Variants in EXOC4 observed in about 807,000 individuals in gnomAD.
EXOC4 encodes SEC8-like 1.
EXOC4 carries 71 observed loss-of-function variants against 107.2 expected under a neutral mutation model. That is an observed-to-expected ratio of 0.66 (90% CI 0.55 to 0.81). The LOEUF (loss-of-function observed/expected upper bound fraction) is 0.81. EXOC4 is among the 30% of genes least tolerant of loss of function. The pLI is 0.00. For missense variants in EXOC4, 1,108 were observed against 1,189.6 expected (o/e 0.93, Z 1.01); for synonymous variants, 456 against 441.2 (o/e 1.03, Z -0.42).
chr7:133,788,859 A>C (rs114628130), intron 10 of EXOC4, among the ~76,000 whole-genome samples: 1,771 of 152,122 alleles, frequency 0.012, 25 homozygotes, highest in African/African-American at 0.04. Context: ...CTCTACCTTC[A>C]GGCTGTATGG....
At chr7:134,018,927 T>G (rs1171289739) in intron 17 of EXOC4, among the ~76,000 whole-genome samples, 1 of 152,090 alleles carries the variant, frequency 6.6e-6, no homozygotes, top group Admixed American at 6.6e-5. Context: ...TTTGTTTTTG[T>G]TTTTTGTTTG....
At chr7:133,788,394 T>G (rs1796633970) in intron 10 of EXOC4, among the ~76,000 whole-genome samples, 1 of 152,052 alleles carries the variant, frequency 6.6e-6, no homozygotes, top group Non-Finnish European at 1.5e-5. Flanking sequence ...ATGAATTTTT[T>G]TTTTCCCAAA....
chr7:134,000,894 A>T (rs1041833137), intron 15 of EXOC4, among the ~76,000 whole-genome samples: 3 of 152,206 alleles, frequency 2.0e-5, no homozygotes, highest in African/African-American at 7.2e-5. Context: ...GATGCCAAAA[A>T]TTGGTCTTGT....
chr7:133,378,280 A>C (rs1796533698), intron 7 of EXOC4, among the ~76,000 whole-genome samples: 1 of 148,716 alleles, frequency 6.7e-6, no homozygotes, highest in Non-Finnish European at 1.5e-5. Context: ...ACTGCACTCC[A>C]GCCTGGGCGG....
At chr7:133,720,729 A>G (rs185841363) in intron 10 of EXOC4, among the ~76,000 whole-genome samples, 14 of 152,312 alleles carry the variant, frequency 9.2e-5, no homozygotes, top group Non-Finnish European at 1.8e-4. Context: ...TTTAGCAAAC[A>G]ATAATATTTC....
At chr7:133,528,469 A>G (rs905485180) in intron 9 of EXOC4, among the ~76,000 whole-genome samples, 10 of 152,180 alleles carry the variant, frequency 6.6e-5, no homozygotes, top group African/African-American at 1.4e-4. Flanking sequence ...CTACAGCTAT[A>G]TATATTTTTT....
At chr7:133,670,921 T>C (rs113787924) in intron 10 of EXOC4, among the ~76,000 whole-genome samples, 129 of 152,164 alleles carry the variant, frequency 8.5e-4, no homozygotes, top group African/African-American at 3.1e-3. Context: ...TTAAGTACTG[T>C]GAAGAAAAAT....
At chr7:133,766,721 A>G (rs147655120) in intron 10 of EXOC4, among the ~76,000 whole-genome samples, 2,258 of 152,084 alleles carry the variant, frequency 0.015, 210 homozygotes, top group Admixed American at 0.14. Context: ...ATACTTGACA[A>G]TGATTCTCAA....
chr7:133,705,372 AT>A (rs1794747131), intron 10 of EXOC4, among the ~76,000 whole-genome samples: 1 of 152,230 alleles, frequency 6.6e-6, no homozygotes, highest in South Asian at 2.1e-4. Flanking sequence ...ATCTCAAAAA[AT>A]AAGAAGAAGA....
At chr7:133,404,870 C>CG (rs1797176886) in intron 7 of EXOC4, among the ~76,000 whole-genome samples, 1 of 71,564 alleles carries the variant, frequency 1.4e-5, no homozygotes, top group Non-Finnish European at 2.5e-5. Flanking sequence ...CCACCCCCTG[C>CG]GCCCCCCCCC....
intron 9 of EXOC4, among the ~76,000 whole-genome samples, chr7:133,564,458 G>T (rs1055160283): frequency 2.0e-5 from 3 of 152,116 alleles, no homozygotes; most frequent in African/African-American, 2.4e-5. Context: ...ATGAGAGCTG[G>T]ACGGGAACAC....
chr7:133,719,832 A>G (rs1026462426), intron 10 of EXOC4, among the ~76,000 whole-genome samples: 1 of 152,162 alleles, frequency 6.6e-6, no homozygotes, highest in African/African-American at 2.4e-5. Flanking sequence ...AAAAGATTGC[A>G]GTGTCTTGTT....
intron 10 of EXOC4, among the ~76,000 whole-genome samples, chr7:133,814,201 C>G (rs1371908271): frequency 6.6e-6 from 1 of 152,042 alleles, no homozygotes; most frequent in Non-Finnish European, 1.5e-5. Flanking sequence ...CCCAGGATGT[C>G]TTTATGCTAA....
chr7:134,041,398 G>A lies in EXOC4; in HGVS notation c.2688-22893G>A, dbSNP rs527783645. On this transcript the variant is annotated intron_variant, in intron 17 of 17. Coordinates refer to ENST00000253861, the MANE Select transcript of EXOC4 (RefSeq NM_021807.4). ...AAATGTGTGTGGCTTATTTGCAAAT[G>A]TAGACATTAATAACTGATATTTAAA... Among the ~76,000 whole-genome samples the A allele has an allele frequency of 3.3e-5, 5 of 152,234 alleles. No individual in the cohort carries two copies. The South Asian group carries it at 1.0e-3, about 32-fold the overall frequency.
intron 7 of EXOC4, among the ~76,000 whole-genome samples, chr7:133,452,035 G>C (rs1798359953): frequency 6.6e-6 from 1 of 152,134 alleles, no homozygotes. Flanking sequence ...ATTCACATTA[G>C]TGTTACCTTT....
In EXOC4 at chr7:134,004,960, T is replaced by A. The variant is rs1249097810; in HGVS notation, c.2397T>A (p.Tyr799Ter). The A allele has an allele frequency of 6.2e-7, 1 of 1,613,456 alleles. No homozygotes were observed. The highest frequency in any genetic ancestry group is 2.2e-5 in the East Asian group (1 of 44,874). Residue 799 changes from tyrosine (Y) to a stop codon, truncating the protein, a stop_gained, in exon 16 of 18, where the codon TAT becomes TAA. Transcript: ENST00000253861. LOFTEE classifies it high-confidence loss of function. ...TCCCTCTTGCAAAGGAGGGGAACTATGCCATTGTGGCTAATGTGGAAAGTA... is the reference window on the plus strand; with the variant it reads ...TCCCTCTTGCAAAGGAGGGGAACTAAGCCATTGTGGCTAATGTGGAAAGTA... The part of the protein sequence containing the change: ...YLIPLAKEGN[Y>*]AIVANVESMD...
At chr7:133,576,208 T>C (rs566830016) in intron 9 of EXOC4, among the ~76,000 whole-genome samples, 3 of 152,296 alleles carry the variant, frequency 2.0e-5, no homozygotes, top group South Asian at 4.1e-4. Flanking sequence ...ATTCTCAAGA[T>C]GTTAATGCAG....
chr7:133,812,339 G>A (rs2151208986), intron 10 of EXOC4, among the ~76,000 whole-genome samples: 1 of 152,300 alleles, frequency 6.6e-6, no homozygotes, highest in South Asian at 2.1e-4. Context: ...GAGGTAGGTA[G>A]TGTTATTGTA....
At chr7:133,592,512 G>A (rs777248882) in intron 9 of EXOC4, among the ~76,000 whole-genome samples, 15 of 152,112 alleles carry the variant, frequency 9.9e-5, no homozygotes, top group Admixed American at 3.9e-4. Context: ...GTGCAATCTC[G>A]GCTCACTGCC....
Sources: gnomAD v4.1 joint callset for allele counts (sites outside exome capture counted in the v4.1 genomes callset) on GRCh38, gnomAD v4.1.1 for gene constraint, MANE v1.5 for transcripts, NCBI Gene and HGNC (gene_info 2026-07-23, HGNC 2026-07-21) for gene names.